Variants in PXDNL observed in about 807,000 individuals in gnomAD.
The protein encoded by PXDNL is probable oxidoreductase PXDNL.
In PXDNL, 145 loss-of-function variants were observed where a neutral mutation model predicts 150.8. That is an observed-to-expected ratio of 0.96 (90% CI 0.84 to 1.10). The LOEUF is 1.10. Among genes scored for constraint, PXDNL ranks in the 50% least tolerant of loss-of-function variants. PXDNL has a pLI of 0.00. For synonymous variants in PXDNL, 757 were observed against 725.7 expected, an observed-to-expected ratio of 1.04 and a Z score of -0.69; for missense variants, 2,087 against 1,873.9, an observed-to-expected ratio of 1.11 and a Z score of -2.10.
chr8:51,771,883 G>A (rs151333226), intron 1 of PXDNL, among the ~76,000 whole-genome samples: 2 of 152,184 alleles, frequency 1.3e-5, no homozygotes, highest in Non-Finnish European at 2.9e-5. Context: ...TGGTTCCTCT[G>A]CCTCCCTCTC....
intron 6 of PXDNL, among the ~76,000 whole-genome samples, chr8:51,476,247 C>A (rs1810472275): frequency 6.6e-6 from 1 of 152,162 alleles, no homozygotes; most frequent in African/African-American, 2.4e-5. Context: ...CTTTGCTGCC[C>A]AAAGGAGGCT....
chr8:51,602,260 C>A (rs1004051159), intron 2 of PXDNL, among the ~76,000 whole-genome samples: 1 of 151,842 alleles, frequency 6.6e-6, no homozygotes, highest in Admixed American at 6.6e-5. Context: ...TTGAATTATT[C>A]CAAGTACATT....
At chr8:51,463,863 TAAAAC>T (rs1810139343) in intron 8 of PXDNL, among the ~76,000 whole-genome samples, 1 of 151,934 alleles carries the variant, frequency 6.6e-6, no homozygotes, top group Non-Finnish European at 1.5e-5. Context: ...ACAACAAAAT[TAAAAC>T]AAATCAAAAA....
intron 4 of PXDNL, among the ~76,000 whole-genome samples, chr8:51,527,594 G>T (rs1356365118): frequency 2.0e-5 from 3 of 152,218 alleles, no homozygotes; most frequent in African/African-American, 7.2e-5. Flanking sequence ...GCTCAGAACA[G>T]CTGTCTAAGT....
chr8:51,656,924 C>A (rs929235104), intron 1 of PXDNL, among the ~76,000 whole-genome samples: 1 of 152,192 alleles, frequency 6.6e-6, no homozygotes, highest in African/African-American at 2.4e-5. Flanking sequence ...TCAGACATAA[C>A]ATTTCTATAT....
intron 11 of PXDNL, among the ~76,000 whole-genome samples, chr8:51,448,310 A>G (rs1809725157): frequency 6.6e-6 from 1 of 152,226 alleles, no homozygotes; most frequent in Middle Eastern, 3.2e-3. Context: ...CTTCAGGAAC[A>G]GCAGCTCTTT....
intron 14 of PXDNL, among the ~76,000 whole-genome samples, chr8:51,423,103 C>T (rs1808999683): frequency 6.6e-6 from 1 of 152,138 alleles, no homozygotes; most frequent in Non-Finnish European, 1.5e-5. Flanking sequence ...TTATGTTGGC[C>T]AATTATAAAT....
intron 8 of PXDNL, among the ~76,000 whole-genome samples, chr8:51,471,916 G>A (rs1810345460): frequency 6.6e-6 from 1 of 152,170 alleles, no homozygotes; most frequent in East Asian, 1.9e-4. Context: ...TCGATCTCCT[G>A]ACCTTGTGTG....
chr8:51,493,269 A>C (rs1445901893), intron 5 of PXDNL, among the ~76,000 whole-genome samples: 1 of 152,208 alleles, frequency 6.6e-6, no homozygotes, highest in East Asian at 1.9e-4. Flanking sequence ...ATCTACACCA[A>C]AACCCCATCT....
intron 21 of PXDNL, among the ~76,000 whole-genome samples, chr8:51,333,405 C>G (rs1483042515): frequency 8.8e-6 from 1 of 113,844 alleles, no homozygotes; most frequent in Non-Finnish European, 1.6e-5. Context: ...GCACACAGGA[C>G]CAATAAAACA....
Position 51,374,706 on chromosome 8 carries a change from C to A in PXDNL, c.3583G>T (p.Asp1195Tyr). The change falls in exon 18 of 23, where the codon GAC becomes TAC. Residue 1195 changes from aspartate to tyrosine, a missense_variant. Physicochemically the swap from Asp to Tyr is radical, Grantham distance 160. Transcript: ENST00000356297. Reference protein sequence around the residue: ...RKLYGSPGDIDLWPALMVEDL... With the variant: ...RKLYGSPGDIYLWPALMVEDL... ...TCAACCATAAGGGCGGGCCAGAGGTCAATGTCACCTGGAGAGCCGTACAAC... is the reference window on the plus strand; with the variant it reads ...TCAACCATAAGGGCGGGCCAGAGGTAAATGTCACCTGGAGAGCCGTACAAC... 1 of 1,613,820 alleles carries A rather than the reference C, an allele frequency of 6.2e-7. No homozygotes were observed. The highest frequency in any genetic ancestry group is 8.5e-7 in the Non-Finnish European group (1 of 1,179,846).
intron 1 of PXDNL, among the ~76,000 whole-genome samples, chr8:51,768,621 C>T (rs1585735991): frequency 6.6e-6 from 1 of 152,074 alleles, no homozygotes; most frequent in African/African-American, 2.4e-5. Context: ...GCATTCAAAA[C>T]AAGCCATGAA....
At chr8:51,344,527 T>A (rs1806085421) in intron 20 of PXDNL, among the ~76,000 whole-genome samples, 1 of 152,198 alleles carries the variant, frequency 6.6e-6, no homozygotes, top group Non-Finnish European at 1.5e-5. Flanking sequence ...CCCTCCTCTG[T>A]CTACCCGGTC....
At chr8:51,554,634 T>C (rs1390918029) in intron 4 of PXDNL, among the ~76,000 whole-genome samples, 1 of 152,220 alleles carries the variant, frequency 6.6e-6, no homozygotes, top group African/African-American at 2.4e-5. Context: ...GATGTCCCAG[T>C]TCATTCTCTT....
At chr8:51,663,901 A>G (rs753505125) in intron 1 of PXDNL, among the ~76,000 whole-genome samples, 1 of 152,002 alleles carries the variant, frequency 6.6e-6, no homozygotes, top group Non-Finnish European at 1.5e-5. Flanking sequence ...AAATATAAAC[A>G]TTAGCCAGAC....
At position 51,408,183 on chromosome 8, in the gene PXDNL, G is replaced by GTC. The variant is rs1280395755; in HGVS notation, c.3439_3440dup (p.Asp1147GlufsTer17). 2.5e-6 allele frequency: 4 copies of GTC among 1,614,016 alleles called. No homozygotes were observed. The South Asian group carries it at 3.3e-5, about 13-fold the overall frequency. On this transcript the variant is annotated frameshift_variant, in exon 17 of 23. Coordinates refer to ENST00000356297, the MANE Select transcript of PXDNL (RefSeq NM_144651.5). LOFTEE classifies it high-confidence loss of function. ...AGTCAACATATGGTGGGATCCCGTG[G>GTC]TCTCTACCCCTTTGAATGATGGTGG...
intron 17 of PXDNL, among the ~76,000 whole-genome samples, chr8:51,380,959 T>A (rs1038737713): frequency 1.3e-5 from 2 of 152,208 alleles, no homozygotes; most frequent in Admixed American, 6.5e-5. Flanking sequence ...TTGGACTAAT[T>A]ATATTACTGA....
chr8:51,685,807 G>A (rs1437476524), intron 1 of PXDNL, among the ~76,000 whole-genome samples: 1 of 151,934 alleles, frequency 6.6e-6, no homozygotes, highest in African/African-American at 2.4e-5. Flanking sequence ...TACTTTTATT[G>A]CTATATTATT....
chr8:51,435,800 TC>T, intron 12 of PXDNL: 1 of 422,024 alleles, frequency 2.4e-6, no homozygotes, highest in Non-Finnish European at 4.7e-6. Flanking sequence ...CATCTTTTCT[TC>T]CAGAGGAATA....
Sources: gnomAD v4.1 joint callset for allele counts (sites outside exome capture counted in the v4.1 genomes callset) on GRCh38, gnomAD v4.1.1 for gene constraint, MANE v1.5 for transcripts, NCBI Gene and HGNC (gene_info 2026-07-23, HGNC 2026-07-21) for gene names.